CCDC85A: variants seen among roughly 807,000 people sequenced by gnomAD.
CCDC85A encodes coiled-coil domain-containing protein 85A.
In CCDC85A, 38 loss-of-function variants were observed where a neutral mutation model predicts 50.2. That is an observed-to-expected ratio of 0.76 (90% CI 0.58 to 0.99). The LOEUF (loss-of-function observed/expected upper bound fraction) is 0.99. Among genes scored for constraint, CCDC85A ranks in the 50% least tolerant of loss-of-function variants. The probability of loss-of-function intolerance (pLI) is 0.00; values close to 1 mark genes in which losing one functional copy is unlikely to be tolerated. For synonymous variants in CCDC85A, 366 were observed against 301.4 expected, an observed-to-expected ratio of 1.21 and a Z score of -2.22; for missense variants, 820 against 742.0, an observed-to-expected ratio of 1.11 and a Z score of -1.22.
intron 2 of CCDC85A, among the ~76,000 whole-genome samples, chr2:56,219,819 A>G (rs1359614821): frequency 6.6e-6 from 1 of 151,996 alleles, no homozygotes; most frequent in African/African-American, 2.4e-5. Context: ...TGACCATTAT[A>G]TATCAGGCTT....
chr2:56,259,552 G>A (rs1670134000), intron 2 of CCDC85A, among the ~76,000 whole-genome samples: 1 of 152,140 alleles, frequency 6.6e-6, no homozygotes, highest in Admixed American at 6.5e-5. Flanking sequence ...TCTGGTCCTT[G>A]GATGCCCATA....
intron 2 of CCDC85A, among the ~76,000 whole-genome samples, chr2:56,214,956 T>C (rs1389548596): frequency 1.3e-5 from 2 of 151,952 alleles, no homozygotes; most frequent in East Asian, 1.9e-4. Flanking sequence ...ACAGATCAAG[T>C]TGGGAAGAAT....
intron 2 of CCDC85A, among the ~76,000 whole-genome samples, chr2:56,215,740 C>T (rs1241006100): frequency 2.0e-5 from 3 of 151,770 alleles, no homozygotes; most frequent in Non-Finnish European, 4.4e-5. Flanking sequence ...TAATCTTGAG[C>T]AGATAGTTGT....
chr2:56,198,311 C>T (rs1676606987), intron 2 of CCDC85A, among the ~76,000 whole-genome samples: 1 of 152,176 alleles, frequency 6.6e-6, no homozygotes, highest in Non-Finnish European at 1.5e-5. Context: ...TGAATGTCTC[C>T]TGGGAGAAAA....
chr2:56,250,505 G>A (rs923193042), intron 2 of CCDC85A, among the ~76,000 whole-genome samples: 1 of 152,206 alleles, frequency 6.6e-6, no homozygotes, highest in Non-Finnish European at 1.5e-5. Flanking sequence ...AATGCCTAGT[G>A]ACATCTGTAT....
chr2:56,288,261 A>G (rs552348492), intron 2 of CCDC85A, among the ~76,000 whole-genome samples: 1 of 149,456 alleles, frequency 6.7e-6, no homozygotes, highest in South Asian at 2.1e-4. Context: ...CTTTATCTTC[A>G]CTTCCCACCA....
chr2:56,330,263 C>T (rs115138207), intron 2 of CCDC85A, among the ~76,000 whole-genome samples: 59 of 152,158 alleles, frequency 3.9e-4, no homozygotes, highest in African/African-American at 1.4e-3. Context: ...CCAGTTCTGT[C>T]GCCCAATTTA....
Position 56,184,429 on chromosome 2 carries a change from G to GGCGCGC in CCDC85A, c.-190_-185dup, listed in dbSNP as rs1350210187. ...GGCTGCCGGGCCCTGGGGGAGCGCG[G>GGCGCGC]GCGCGCGCGCGGGGATGGCGAGGTA... is the stretch of plus-strand genomic sequence containing the variant. On this transcript the variant is annotated 5_prime_UTR_variant, in exon 1 of 6. Transcript: ENST00000407595. The GGCGCGC allele has an allele frequency of 6.9e-6, 4 of 583,804 alleles. No homozygotes were observed. The highest frequency in any genetic ancestry group is 9.8e-6 in the Non-Finnish European group (4 of 409,388). 36.2% of individuals were successfully genotyped at this position (583,804 alleles called of 1,614,324 possible). A position where few individuals can be genotyped will look rare whatever the true frequency, so the allele number is the denominator to read the frequency against.
At chr2:56,240,923 A>G (rs1399503959) in intron 2 of CCDC85A, among the ~76,000 whole-genome samples, 2 of 152,154 alleles carry the variant, frequency 1.3e-5, no homozygotes, top group South Asian at 2.1e-4. Flanking sequence ...CAGTGACTCT[A>G]TATTTAACTT....
At chr2:56,322,721 T>C (rs1371055581) in intron 2 of CCDC85A, among the ~76,000 whole-genome samples, 2 of 152,198 alleles carry the variant, frequency 1.3e-5, no homozygotes, top group East Asian at 3.9e-4. Context: ...TCAACCATTG[T>C]GCAAGACAGT....
At chr2:56,222,332 T>C (rs1026190779) in intron 2 of CCDC85A, among the ~76,000 whole-genome samples, 2 of 152,156 alleles carry the variant, frequency 1.3e-5, no homozygotes, top group Admixed American at 6.6e-5. Flanking sequence ...ATATTTAAGG[T>C]ATATAGCATA....
intron 2 of CCDC85A, among the ~76,000 whole-genome samples, chr2:56,231,637 T>G (rs984770625): frequency 1.3e-5 from 2 of 152,266 alleles, no homozygotes; most frequent in Admixed American, 6.5e-5. Flanking sequence ...CCAAGGTTTT[T>G]TAATGGGGTG....
intron 2 of CCDC85A, among the ~76,000 whole-genome samples, chr2:56,213,803 A>G (rs563872867): frequency 8.0e-4 from 122 of 152,142 alleles, no homozygotes; most frequent in African/African-American, 2.9e-3. Flanking sequence ...CAGGCATAGA[A>G]GGAGCAAAGT....
intron 2 of CCDC85A, among the ~76,000 whole-genome samples, chr2:56,257,778 G>A (rs1202778900): frequency 6.6e-6 from 1 of 152,168 alleles, no homozygotes; most frequent in Non-Finnish European, 1.5e-5. Flanking sequence ...TGTTATACAT[G>A]AGAAATGATG....
At chr2:56,259,884 T>C (rs973196978) in intron 2 of CCDC85A, among the ~76,000 whole-genome samples, 1 of 152,216 alleles carries the variant, frequency 6.6e-6, no homozygotes, top group Non-Finnish European at 1.5e-5. Flanking sequence ...AACTTCTCAT[T>C]ACTCATCTTA....
chr2:56,204,522 GTCCA>G (rs1676881870), intron 2 of CCDC85A, among the ~76,000 whole-genome samples: 2 of 152,180 alleles, frequency 1.3e-5, no homozygotes, highest in Admixed American at 1.3e-4. Flanking sequence ...GGAAACCACA[GTCCA>G]TGCTGCCTCC....
chr2:56,187,340 T>C (rs1469156756), intron 1 of CCDC85A, among the ~76,000 whole-genome samples: 1 of 152,182 alleles, frequency 6.6e-6, no homozygotes, highest in Admixed American at 6.5e-5. Flanking sequence ...TAAATATTTG[T>C]AAGGCTACCA....
At chr2:56,198,292 A>G (rs1676606289) in intron 2 of CCDC85A, among the ~76,000 whole-genome samples, 1 of 152,264 alleles carries the variant, frequency 6.6e-6, no homozygotes, top group South Asian at 2.1e-4. Context: ...GAATTTGGAC[A>G]ATAGAAATTG....
chr2:56,330,684 A>C (rs10202401), intron 2 of CCDC85A, among the ~76,000 whole-genome samples: 53,358 of 152,036 alleles, frequency 0.35, 9,793 homozygotes, highest in African/African-American at 0.46. Flanking sequence ...GGAACAAGTA[A>C]ATAGGTGAAT....
Sources: gnomAD v4.1 joint callset for allele counts (sites outside exome capture counted in the v4.1 genomes callset) on GRCh38, gnomAD v4.1.1 for gene constraint, MANE v1.5 for transcripts, NCBI Gene and HGNC (gene_info 2026-07-23, HGNC 2026-07-21) for gene names.